The following HPS6 variants were observed in gnomAD, a reference collection of about 807,000 sequenced individuals.
HPS6 encodes the protein BLOC-2 complex member HPS6.
Under a neutral mutation model 53.6 loss-of-function variants are expected in HPS6, and 46 were observed. That is an observed-to-expected ratio of 0.86 (90% CI 0.68 to 1.10). HPS6 has a LOEUF of 1.10. HPS6 is among the 50% of genes least tolerant of loss of function. HPS6 has a pLI of 0.00. For missense variants in HPS6, 1,034 were observed against 991.3 expected, an observed-to-expected ratio of 1.04 and a Z score of -0.58; for synonymous variants, 535 against 470.8, an observed-to-expected ratio of 1.14 and a Z score of -1.77.
Position 102,065,694 on chromosome 10 carries a change from G to T in HPS6, c.220G>T (p.Gly74Cys). The T allele has an allele frequency of 6.6e-7, 1 of 1,515,928 alleles. No individual in the cohort carries two copies. The highest frequency in any genetic ancestry group is 2.6e-5 in the East Asian group (1 of 38,084). 93.9% of individuals were successfully genotyped at this position (1,515,928 alleles called of 1,614,324 possible). The change falls in exon 1 of 1, where the codon GGC becomes TGC. Residue 74 changes from glycine (G) to cysteine (C), a missense_variant. Physicochemically the swap from Gly to Cys is radical, Grantham distance 159. Coordinates refer to ENST00000299238, the MANE Select transcript of HPS6 (RefSeq NM_024747.6). The part of the protein sequence containing the change: ...GAELERAWPA[G>C]QPSPLDAFFL... ...GGAGCTAGAGCGGGCCTGGCCGGCC[G>T]GCCAGCCCTCCCCGCTGGACGCCTT...
Position 102,067,657 on chromosome 10 carries a change from A to G in HPS6, c.2183A>G (p.Glu728Gly), listed in dbSNP as rs1442243867. The change falls in exon 1 of 1, where the codon GAG becomes GGG. Residue 728 changes from glutamate (E) to glycine (G), a missense_variant. Physicochemically the swap from Glu to Gly is moderately conservative, Grantham distance 98 (BLOSUM62 -2). Coordinates refer to ENST00000299238, the MANE Select transcript of HPS6 (RefSeq NM_024747.6). ...ACCCCATTCCCTGAGCCTGGAGCAG[A>G]GCCCCCTCTCACTGTGGGCTTGCTC... ...PPTPFPEPGA[E>G]PPLTVGLLKA... The G allele has an allele frequency of 4.3e-6, 7 of 1,613,998 alleles. No individual in the cohort carries two copies. In the South Asian group the frequency reaches 6.6e-5, roughly 15 times the overall value.
rs762947367 is a variant in HPS6, at chr10:102,067,368, C to A, written c.1894C>A (p.Arg632=). The A allele has an allele frequency of 6.2e-7, 1 of 1,612,800 alleles. No homozygotes were observed. Among genetic ancestry groups the A allele is most frequent in the East Asian group, 2.2e-5 (1 of 44,878 alleles). Residue 632 remains arginine, a synonymous_variant, in exon 1 of 1, where the codon CGG becomes AGG. Coordinates refer to ENST00000299238, the MANE Select transcript of HPS6 (RefSeq NM_024747.6). ...LELELLLSSG[R]PKAVLQAVGQ... is the part of the protein sequence containing the mutation. ...GCTAGAGCTGCTCTTGAGCAGTGGGCGGCCTAAAGCTGTGCTCCAAGCTGT... is the reference window on the plus strand; with the variant it reads ...GCTAGAGCTGCTCTTGAGCAGTGGGAGGCCTAAAGCTGTGCTCCAAGCTGT...
In HPS6 at chr10:102,067,280, G is replaced by A; in HGVS notation, c.1806G>A (p.Leu602=). 6.2e-7 allele frequency: 1 copy of A among 1,612,974 alleles called. No individual in the cohort carries two copies. Among genetic ancestry groups the A allele is most frequent in the Non-Finnish European group, 8.5e-7 (1 of 1,179,810 alleles). Residue 602 remains leucine (L), a synonymous_variant, in exon 1 of 1, where the codon CTG becomes CTA. Coordinates refer to ENST00000299238, the MANE Select transcript of HPS6 (RefSeq NM_024747.6). ...GCTGGGGGGCAGGGGGCCCAGGACT[G>A]CCCCTGTATCGCCGAGCTCTGGCAG... ...GPGWGAGGPG[L]PLYRRALAVL...
At position 102,065,528 on chromosome 10, in the gene HPS6, C is replaced by T. The variant is rs1320012863; in HGVS notation, c.54C>T (p.Gly18=). 3.9e-6 allele frequency: 6 copies of T among 1,550,864 alleles called. No homozygotes were observed. Among genetic ancestry groups the T allele is most frequent in the Admixed American group, 1.8e-5 (1 of 54,636 alleles). The change falls in exon 1 of 1, where the codon GGC becomes GGT. Residue 18 remains glycine, a synonymous_variant. Transcript: ENST00000299238. The part of the protein sequence containing the change: ...RLLSDLSAFG[G]AARLRELVAG... ...TCTCGGACCTGAGCGCCTTCGGCGG[C>T]GCGGCGCGGCTCCGGGAGCTGGTGG...
In HPS6 at chr10:102,066,606, C is replaced by T. The variant is rs2067972376; in HGVS notation, c.1132C>T (p.Leu378Phe). The change falls in exon 1 of 1, where the codon CTT becomes TTT. Residue 378 changes from leucine to phenylalanine, a missense_variant. Transcript: ENST00000299238. ...ELETRGNLRL[L>F]SALGLFCVGW... ...GGAGACCCGAGGGAATCTTCGTCTG[C>T]TTTCAGCCTTGGGTCTGTTTTGTGT... 6.2e-7 allele frequency: 1 copy of T among 1,613,936 alleles called. No individual in the cohort carries two copies. Among genetic ancestry groups the T allele is most frequent in the African/African-American group, 1.3e-5 (1 of 74,954 alleles).
At position 102,067,276 on chromosome 10, in the gene HPS6, G is replaced by C. The variant is rs764205695; in HGVS notation, c.1802G>C (p.Gly601Ala). 1 of 1,612,980 alleles carries C rather than the reference G, an allele frequency of 6.2e-7. No homozygotes were observed. Among genetic ancestry groups the C allele is most frequent in the Non-Finnish European group, 8.5e-7 (1 of 1,179,830 alleles). ...CCGGGCTGGGGGGCAGGGGGCCCAGGACTGCCCCTGTATCGCCGAGCTCTG... is the reference window on the plus strand; with the variant it reads ...CCGGGCTGGGGGGCAGGGGGCCCAGCACTGCCCCTGTATCGCCGAGCTCTG... ...GGPGWGAGGP[G>A]LPLYRRALAV... The change falls in exon 1 of 1, where the codon GGA becomes GCA. Residue 601 changes from glycine (G) to alanine (A), a missense_variant. Coordinates refer to ENST00000299238, the MANE Select transcript of HPS6 (RefSeq NM_024747.6).
Position 102,065,421 on chromosome 10 carries a change from T to C in HPS6, c.-54T>C. ...CTCCCCCGAGAATCGGGCCTCGCCC[T>C]GCTGGGCGGCTGGACCTGGGCAAAG... On this transcript the variant is annotated 5_prime_UTR_variant, in exon 1 of 1. Transcript: ENST00000299238. 6.7e-7 allele frequency: 1 copy of C among 1,503,756 alleles called. No homozygotes were observed. The allele number at this position is 1,503,756 out of a possible 1,614,324, so 93.2% of individuals were successfully genotyped here.
In HPS6 at chr10:102,067,484, C is replaced by A; in HGVS notation, c.2010C>A (p.Ile670=). ...GPSSPLLRSE[I]FKLLLAEFAQ... ...CCAGTCCCCTGCTTCGAAGTGAAATCTTCAAACTGCTGCTGGCCGAGTTTG... is the reference window on the plus strand; with the variant it reads ...CCAGTCCCCTGCTTCGAAGTGAAATATTCAAACTGCTGCTGGCCGAGTTTG... The change falls in exon 1 of 1, where the codon ATC becomes ATA. Residue 670 remains isoleucine, a synonymous_variant. Transcript: ENST00000299238. The A allele has an allele frequency of 6.2e-7, 1 of 1,613,840 alleles. No individual in the cohort carries two copies. Among genetic ancestry groups the A allele is most frequent in the Non-Finnish European group, 8.5e-7 (1 of 1,180,044 alleles).
In HPS6 at chr10:102,065,978, G is replaced by C. The variant is rs1214288912; in HGVS notation, c.504G>C (p.Leu168=). 1.9e-6 allele frequency: 3 copies of C among 1,599,220 alleles called. No homozygotes were observed. Among genetic ancestry groups the C allele is most frequent in the Non-Finnish European group, 2.5e-6 (3 of 1,179,578 alleles). The change falls in exon 1 of 1, where the codon CTG becomes CTC. Residue 168 remains leucine, a synonymous_variant. Coordinates refer to ENST00000299238, the MANE Select transcript of HPS6 (RefSeq NM_024747.6). ...GCCACTGTGTGTGCGTCCGGACTCT[G>C]GAGCCCAGCGGGGAAGCTAGCACCA... is the stretch of plus-strand genomic sequence containing the variant. ...AFSHCVCVRT[L]EPSGEASTSL... is the part of the protein sequence containing the mutation.
At position 102,067,287 on chromosome 10, in the gene HPS6, T is replaced by G. The variant is rs946529387; in HGVS notation, c.1813T>G (p.Tyr605Asp). 52 of 1,612,928 alleles carry G rather than the reference T, an allele frequency of 3.2e-5. No homozygotes were observed. The highest frequency in any genetic ancestry group is 4.3e-5 in the Non-Finnish European group (51 of 1,179,784). Residue 605 changes from tyrosine to aspartate, a missense_variant, in exon 1 of 1, where the codon TAT (tyrosine) becomes GAT (aspartate). Coordinates refer to ENST00000299238, the MANE Select transcript of HPS6 (RefSeq NM_024747.6). ...GGCAGGGGGCCCAGGACTGCCCCTG[T>G]ATCGCCGAGCTCTGGCAGTGCTAGG... ...WGAGGPGLPLYRRALAVLGEE... is the reference protein window; with the variant it reads ...WGAGGPGLPLDRRALAVLGEE...
rs768934839 is a variant in HPS6 at position 102,065,625 on chromosome 10, G to T, written c.151G>T (p.Ala51Ser). 9 of 1,553,372 alleles carry T rather than the reference G, an allele frequency of 5.8e-6. No homozygotes were observed. The highest frequency in any genetic ancestry group is 6.9e-6 in the Non-Finnish European group (8 of 1,161,468). ...CTTGCTGCTCCTGCGACCCCCTGGG[G>T]CGGTAGCCCCACAGCTGCTAGTCGC... ...RHLLLLRPPG[A>S]VAPQLLVASR... is the part of the protein sequence containing the mutation. The change falls in exon 1 of 1, where the codon GCG (alanine) becomes TCG (serine). Residue 51 changes from alanine to serine, a missense_variant. Transcript: ENST00000299238.
At position 102,067,921 on chromosome 10, in the gene HPS6, G is replaced by A; in HGVS notation, c.*119G>A. Reference sequence around the variant, plus strand: ...ATCATTTCTAGGACACAGTGATCAGGGAAGGGTGCCTGGGACTTGGAGGGT... The same window carrying A: ...ATCATTTCTAGGACACAGTGATCAGAGAAGGGTGCCTGGGACTTGGAGGGT... On this transcript the variant is annotated 3_prime_UTR_variant, in exon 1 of 1. Transcript: ENST00000299238. 2.4e-6 allele frequency: 3 copies of A among 1,254,030 alleles called. No individual in the cohort carries two copies. Among genetic ancestry groups the A allele is most frequent in the Non-Finnish European group, 3.5e-6 (3 of 860,212 alleles). 77.7% of individuals were successfully genotyped at this position (1,254,030 alleles called of 1,614,324 possible). A position where few individuals can be genotyped will look rare whatever the true frequency, so the allele number is the denominator to read the frequency against.
Position 102,067,334 on chromosome 10 carries a change from G to A in HPS6, c.1860G>A (p.Glu620=), listed in dbSNP as rs2067979416. The A allele has an allele frequency of 1.2e-6, 2 of 1,613,246 alleles. No individual in the cohort carries two copies. Among genetic ancestry groups the A allele is most frequent in the Middle Eastern group, 1.7e-4 (1 of 6,048 alleles). ...AVLGEEGTRP[E]ALELELLLSS... ...TAGGTGAGGAGGGGACCAGGCCTGA[G>A]GCTCTGGAGCTAGAGCTGCTCTTGA... The change falls in exon 1 of 1, where the codon GAG becomes GAA. Residue 620 remains glutamate (E), a synonymous_variant. Coordinates refer to ENST00000299238, the MANE Select transcript of HPS6 (RefSeq NM_024747.6).
rs4917959 is a variant in HPS6 at position 102,067,797 on chromosome 10, C to G, written c.2323C>G (p.Leu775Val). 21 of 1,612,952 alleles carry G rather than the reference C, an allele frequency of 1.3e-5. No homozygotes were observed. Among genetic ancestry groups the G allele is most frequent in the Non-Finnish European group, 1.7e-5 (20 of 1,180,026 alleles). ...TCCACCCCCGACTCCACCTCGGGAC[C>G]TATGACTACCCTTCAGGCATCAGAA... is the stretch of plus-strand genomic sequence containing the variant. ...STPPPTPPRD[L>V] The change falls in exon 1 of 1, where the codon CTA becomes GTA. Residue 775 changes from leucine (L) to valine (V), a missense_variant. Transcript: ENST00000299238.
Position 102,066,267 on chromosome 10 carries a change from A to C in HPS6, c.793A>C (p.Arg265=), listed in dbSNP as rs1483326744. 4 of 1,613,958 alleles carry C rather than the reference A, an allele frequency of 2.5e-6. No individual in the cohort carries two copies. The Admixed American group carries it at 5.0e-5, about 20-fold the overall frequency. Reference sequence around the variant, plus strand: ...AGGCCTTCCTGGGTTGCTGTCCCCCAGGGAGCCACTGGCTGTACACACCTG... The same window carrying C: ...AGGCCTTCCTGGGTTGCTGTCCCCCCGGGAGCCACTGGCTGTACACACCTG... The part of the protein sequence containing the change: ...LRGLPGLLSP[R]EPLAVHTWAP... The change falls in exon 1 of 1, where the codon AGG becomes CGG. Residue 265 remains arginine, a synonymous_variant. Coordinates refer to ENST00000299238, the MANE Select transcript of HPS6 (RefSeq NM_024747.6).
At position 102,067,402 on chromosome 10, in the gene HPS6, T is replaced by C; in HGVS notation, c.1928T>C (p.Leu643Pro). 1.9e-6 allele frequency: 3 copies of C among 1,613,014 alleles called. No individual in the cohort carries two copies. In the Admixed American group the frequency reaches 5.0e-5, roughly 27 times the overall value. The change falls in exon 1 of 1, where the codon CTG becomes CCG. Residue 643 changes from leucine to proline, a missense_variant. By Grantham distance (98) the Leu-to-Pro change is moderately conservative (BLOSUM62 -3). Transcript: ENST00000299238. Reference sequence around the variant, plus strand: ...GCTGTGCTCCAAGCTGTCGGGCAGCTGGTGCAAAAGGAACAATGGGATCGG... The same window carrying C: ...GCTGTGCTCCAAGCTGTCGGGCAGCCGGTGCAAAAGGAACAATGGGATCGG... ...PKAVLQAVGQLVQKEQWDRAL... is the reference protein window; with the variant it reads ...PKAVLQAVGQPVQKEQWDRAL...
chr10:102,067,916 ATC>A lies in HPS6; in HGVS notation c.*115_*116del. On this transcript the variant is annotated 3_prime_UTR_variant, in exon 1 of 1. Coordinates refer to ENST00000299238, the MANE Select transcript of HPS6 (RefSeq NM_024747.6). ...AGGAAATCATTTCTAGGACACAGTG[ATC>A]AGGGAAGGGTGCCTGGGACTTGGAG... 7.7e-7 allele frequency: 1 copy of A among 1,297,948 alleles called. No homozygotes were observed. Among genetic ancestry groups the A allele is most frequent in the Non-Finnish European group, 1.1e-6 (1 of 898,506 alleles). The allele number at this position is 1,297,948 out of a possible 1,614,324, so 80.4% of individuals were successfully genotyped here.
rs2067968987 is a variant in HPS6 at position 102,066,229 on chromosome 10, G to A, written c.755G>A (p.Arg252Gln). The A allele has an allele frequency of 1.2e-6, 2 of 1,613,646 alleles. No homozygotes were observed. The highest frequency in any genetic ancestry group is 1.7e-6 in the Non-Finnish European group (2 of 1,180,000). ...NPGRGDTWDF[R>Q]TLLRGLPGLL... ...GGACGAGGGGACACATGGGACTTCC[G>A]GACCCTGCTCCGAGGCCTTCCTGGG... The change falls in exon 1 of 1, where the codon CGG (arginine) becomes CAG (glutamine). Residue 252 changes from arginine (R) to glutamine (Q), a missense_variant. By Grantham distance (43) the Arg-to-Gln change is conservative. Coordinates refer to ENST00000299238, the MANE Select transcript of HPS6 (RefSeq NM_024747.6).
At position 102,066,962 on chromosome 10, in the gene HPS6, T is replaced by C; in HGVS notation, c.1488T>C (p.Thr496=). ...AEQEVARLLR[T]ELIGDQLAQL... ...AGGAAGTGGCACGCCTGCTGAGGACTGAGTTGATAGGAGACCAGCTAGCCC... is the reference window on the plus strand; with the variant it reads ...AGGAAGTGGCACGCCTGCTGAGGACCGAGTTGATAGGAGACCAGCTAGCCC... The change falls in exon 1 of 1, where the codon ACT becomes ACC. Residue 496 remains threonine, a synonymous_variant. Coordinates refer to ENST00000299238, the MANE Select transcript of HPS6 (RefSeq NM_024747.6). 2 of 1,614,184 alleles carry C rather than the reference T, an allele frequency of 1.2e-6. No individual in the cohort carries two copies. The highest frequency in any genetic ancestry group is 1.7e-6 in the Non-Finnish European group (2 of 1,180,034).
Sources: allele counts gnomAD v4.1 joint callset, GRCh38; gene constraint gnomAD v4.1.1; transcripts MANE v1.5; gene names NCBI Gene and HGNC (gene_info 2026-07-23, HGNC 2026-07-21).